Variants in WFDC2 observed in about 807,000 individuals in gnomAD.
WFDC2 encodes the protein WAP four-disulfide core domain protein 2.
WFDC2 carries 8 observed loss-of-function variants against 12.5 expected under a neutral mutation model. That is an observed-to-expected ratio of 0.64 (90% CI 0.37 to 1.15). WFDC2 has a LOEUF of 1.15. Among genes scored for constraint, WFDC2 ranks in the 50% most tolerant of loss-of-function variants. The pLI is 0.01. For synonymous variants in WFDC2, 74 were observed against 67.2 expected (o/e 1.10, Z -0.49); for missense variants, 166 against 159.9 (o/e 1.04, Z -0.21).
intron 2 of WFDC2, chr20:45,471,209 C>CA: frequency 2.1e-6 from 1 of 469,508 alleles, no homozygotes; most frequent in South Asian, 1.6e-5. Context: ...CACTGTATCG[C>CA]CCTTCGTCGT....
intron 2 of WFDC2, among the ~76,000 whole-genome samples, chr20:45,477,906 G>T (rs1380357330): frequency 6.6e-6 from 1 of 152,222 alleles, no homozygotes; most frequent in Admixed American, 6.5e-5. Context: ...CGGCTTTGCC[G>T]AGCTGTGTTG....
At position 45,470,411 on chromosome 20, in the gene WFDC2, C is replaced by G; in HGVS notation, c.102C>G (p.Gly34=). The change falls in exon 2 of 4, where the codon GGC becomes GGG. Residue 34 remains glycine (G), a synonymous_variant. Coordinates refer to ENST00000372676, the MANE Select transcript of WFDC2 (RefSeq NM_006103.4). The surrounding 1 kb of genome is among the most constrained non-coding windows in gnomAD (Gnocchi z 5.4). ...LVSGTGAEKT[G]VCPELQADQN... ...CAGGCACAGGAGCAGAGAAGACTGG[C>G]GTGTGCCCCGAGCTCCAGGCTGACC... The G allele has an allele frequency of 3.8e-6, 6 of 1,589,768 alleles. No individual in the cohort carries two copies. In the South Asian group the frequency reaches 6.9e-5, roughly 18 times the overall value.
At chr20:45,479,383 T>C (rs1317941180) in intron 2 of WFDC2, 1 of 481,998 alleles carries the variant, frequency 2.1e-6, no homozygotes, top group Non-Finnish European at 3.7e-6. Context: ...CTTAGGCAAA[T>C]TACTTAACTT....
At chr20:45,478,473 G>A (rs1019058101) in intron 2 of WFDC2, among the ~76,000 whole-genome samples, 11 of 151,986 alleles carry the variant, frequency 7.2e-5, no homozygotes, top group African/African-American at 9.7e-5. Context: ...ACTTCTGCTC[G>A]CCCTCCGTGG....
chr20:45,475,321 A>G (rs1991220013), intron 2 of WFDC2, among the ~76,000 whole-genome samples: 1 of 152,184 alleles, frequency 6.6e-6, no homozygotes, highest in Non-Finnish European at 1.5e-5. Flanking sequence ...ATTTAGTGCT[A>G]TAAATTTCCT....
chr20:45,479,804 T>G, intron 2 of WFDC2, 138 bp from the exon 3 acceptor site: 11 of 1,613,236 alleles, frequency 6.8e-6, no homozygotes, highest in Non-Finnish European at 9.3e-6. Context: ...GCAGCTCAGG[T>G]GCCCAAGATG....
At chr20:45,478,517 T>C (rs543144551) in intron 2 of WFDC2, among the ~76,000 whole-genome samples, 2 of 152,274 alleles carry the variant, frequency 1.3e-5, no homozygotes, top group South Asian at 4.1e-4. Flanking sequence ...CCCAATGAGA[T>C]GAGCCACGTA....
At chr20:45,480,461 A>G (rs906094910) in intron 3 of WFDC2, among the ~76,000 whole-genome samples, 1 of 151,726 alleles carries the variant, frequency 6.6e-6, no homozygotes, top group African/African-American at 2.4e-5. Context: ...CCAAAAAAAA[A>G]AAAAAAAATT....
intron 2 of WFDC2, among the ~76,000 whole-genome samples, chr20:45,472,119 AT>A (rs11483289): frequency 3.3e-5 from 5 of 151,486 alleles, no homozygotes; most frequent in East Asian, 2.0e-4. Flanking sequence ...ACTTAACAAC[AT>A]TTTTTTTTGT....
chr20:45,479,708 C>T, intron 2 of WFDC2: 1 of 1,614,020 alleles, frequency 6.2e-7, no homozygotes, highest in South Asian at 1.1e-5. Context: ...CCACGAAGGC[C>T]CACTTGGGAC....
At chr20:45,475,663 G>T (rs1239132955) in intron 2 of WFDC2, among the ~76,000 whole-genome samples, 1 of 152,208 alleles carries the variant, frequency 6.6e-6, no homozygotes, top group East Asian at 1.9e-4. Flanking sequence ...TTGATTTGGG[G>T]TGGAGAGTTC....
chr20:45,469,906 C>T (rs564004546), intron 1 of WFDC2, 46 bp downstream of exon 1: 3 of 1,569,276 alleles, frequency 1.9e-6, no homozygotes, highest in South Asian at 1.2e-5. Flanking sequence ...GGCCGAGCCA[C>T]GAGCGCCAGG....
chr20:45,471,409 A>G (rs1991170459), intron 2 of WFDC2: 1 of 307,574 alleles, frequency 3.3e-6, no homozygotes, highest in South Asian at 2.6e-5. Context: ...GGACCTGGAG[A>G]GAACCAAGGT....
chr20:45,474,231 G>A (rs1186212398), intron 2 of WFDC2, among the ~76,000 whole-genome samples: 1 of 152,202 alleles, frequency 6.6e-6, no homozygotes, highest in Non-Finnish European at 1.5e-5. Flanking sequence ...TAGGGGTGGT[G>A]AGAGAGAGCA....
intron 1 of WFDC2, 84 bp downstream of exon 1, chr20:45,469,944 G>A (rs1991145059): frequency 3.3e-6 from 5 of 1,498,436 alleles, no homozygotes; most frequent in Non-Finnish European, 4.5e-6. Context: ...CGTAGCCTCT[G>A]GAGGCTGGGG....
intron 2 of WFDC2, among the ~76,000 whole-genome samples, chr20:45,473,525 C>G (rs1409563516): frequency 6.6e-6 from 1 of 152,114 alleles, no homozygotes; most frequent in Non-Finnish European, 1.5e-5. Flanking sequence ...GGCCTCTGTT[C>G]TGTTCTGTTG....
chr20:45,478,729 G>A (rs530979676), intron 2 of WFDC2, among the ~76,000 whole-genome samples: 1 of 152,112 alleles, frequency 6.6e-6, no homozygotes, highest in African/African-American at 2.4e-5. Context: ...AGGTGCAAGC[G>A]ATTCTCCTGC....
chr20:45,474,327 G>C (rs1327248037), intron 2 of WFDC2, among the ~76,000 whole-genome samples: 2 of 152,106 alleles, frequency 1.3e-5, no homozygotes, highest in African/African-American at 4.8e-5. Flanking sequence ...GTCATAAATA[G>C]CTCTTGTTAC....
Position 45,470,630 on chromosome 20 carries a change from C to T in WFDC2, c.223+98C>T. On this transcript the variant is annotated intron_variant, in intron 2 of 3. Transcript: ENST00000372676. This position sits in a 1 kb window ranked among gnomAD's most constrained non-coding sequence, Gnocchi z 5.4. ...TCCGGGAACAGGGGCGCCCCCGGAC[C>T]CGGGGACCCCCGGGAAAGTCAAGGC... is the stretch of plus-strand genomic sequence containing the variant. 1 of 1,428,204 alleles carries T rather than the reference C, an allele frequency of 7.0e-7. No homozygotes were observed. The highest frequency in any genetic ancestry group is 1.4e-5 in the South Asian group (1 of 69,556). 88.5% of individuals were successfully genotyped at this position (1,428,204 alleles called of 1,614,324 possible).
Sources: gnomAD v4.1 joint callset for allele counts (sites outside exome capture counted in the v4.1 genomes callset) on GRCh38, gnomAD v4.1.1 for gene constraint, Gnocchi (gnomAD v3.1) non-coding constraint, MANE v1.5 for transcripts, NCBI Gene and HGNC (gene_info 2026-07-23, HGNC 2026-07-21) for gene names.